UBR2: variants seen among roughly 807,000 people sequenced by gnomAD.
The protein encoded by UBR2 is ubiquitin protein ligase E3 component n-recognin 2.
A neutral mutation model predicts 247.9 loss-of-function variants in UBR2; 92 were observed. The ratio of observed to expected loss-of-function variants is 0.37; its 90% CI spans 0.31 to 0.44. UBR2 has a LOEUF of 0.44. Ranked by LOEUF, UBR2 falls within the 20% of genes least tolerant of loss-of-function variation. UBR2 has a pLI of 1.00. For synonymous variants in UBR2, 672 were observed against 693.5 expected (o/e 0.97, Z 0.49); for missense variants, 1,613 against 2,112.6 (o/e 0.76, Z 4.64).
At chr6:42,592,102 A>T (rs1214058751) in intron 2 of UBR2, 49 bp from the exon 3 acceptor site, 1 of 1,496,570 alleles carries the variant, frequency 6.7e-7, no homozygotes. Flanking sequence ...CTGTTGTGAA[A>T]TATATAGTTA....
chr6:42,687,594 G>A (rs1265209379), intron 44 of UBR2, among the ~76,000 whole-genome samples: 1 of 152,080 alleles, frequency 6.6e-6, no homozygotes, highest in African/African-American at 2.4e-5. Flanking sequence ...AGGCTGGAGT[G>A]CAGTGGTGTG....
At chr6:42,613,238 T>A (rs917131883) in intron 8 of UBR2, among the ~76,000 whole-genome samples, 2 of 152,158 alleles carry the variant, frequency 1.3e-5, no homozygotes, top group Non-Finnish European at 2.9e-5. Flanking sequence ...GGGATAGATA[T>A]AAGCTGTTAT....
At chr6:42,623,293 T>G (rs1197321244) in intron 11 of UBR2, among the ~76,000 whole-genome samples, 2 of 152,122 alleles carry the variant, frequency 1.3e-5, no homozygotes, top group Non-Finnish European at 2.9e-5. Context: ...CTATTCCTAG[T>G]TTGCTCTAAG....
intron 33 of UBR2, 47 bp from the exon 34 acceptor site, chr6:42,666,120 A>G: frequency 2.0e-6 from 3 of 1,501,676 alleles, no homozygotes; most frequent in Non-Finnish European, 2.7e-6. Flanking sequence ...TACTTTTAGG[A>G]ATATTGTCAT....
intron 14 of UBR2, 106 bp downstream of exon 14, chr6:42,635,652 T>G: frequency 7.5e-7 from 1 of 1,338,576 alleles, no homozygotes. Flanking sequence ...GTGGTGATAC[T>G]TAGTTCATTA....
intron 1 of UBR2, among the ~76,000 whole-genome samples, chr6:42,570,622 G>A (rs1234773197): frequency 6.6e-6 from 1 of 152,104 alleles, no homozygotes; most frequent in Non-Finnish European, 1.5e-5. Context: ...ATGTAATAAA[G>A]AGTGAAATAC....
chr6:42,676,899 C>T (rs1798750179), intron 40 of UBR2, 26 bp downstream of exon 40: 2 of 1,543,234 alleles, frequency 1.3e-6, no homozygotes, highest in Non-Finnish European at 1.8e-6. Context: ...TTACATAACG[C>T]ATTTCCCTAA....
intron 18 of UBR2, among the ~76,000 whole-genome samples, chr6:42,643,506 G>T (rs1796566619): frequency 6.6e-6 from 1 of 152,144 alleles, no homozygotes; most frequent in Non-Finnish European, 1.5e-5. Context: ...CAAGACAGGA[G>T]AATCACTTAA....
chr6:42,622,057 C>T (rs1434954317), intron 11 of UBR2, among the ~76,000 whole-genome samples: 1 of 151,990 alleles, frequency 6.6e-6, no homozygotes, highest in Non-Finnish European at 1.5e-5. Flanking sequence ...GCTCTGTCAC[C>T]CAGGCTAGAG....
intron 4 of UBR2, among the ~76,000 whole-genome samples, chr6:42,599,138 A>C (rs1157422279): frequency 6.6e-6 from 1 of 152,172 alleles, no homozygotes; most frequent in East Asian, 1.9e-4. Context: ...ACTGAACAAC[A>C]ACCTAAGTGA....
intron 11 of UBR2, among the ~76,000 whole-genome samples, chr6:42,630,313 T>TG (rs1795634778): frequency 1.3e-5 from 2 of 151,670 alleles, no homozygotes; most frequent in African/African-American, 4.8e-5. Flanking sequence ...GCCTCCCGAG[T>TG]AGCTGGGATT....
At position 42,620,481 on chromosome 6, in the gene UBR2, G is replaced by GTTTTTTTT. The variant is rs796314344; in HGVS notation, c.1281+2979_1281+2986dup. ...GTTTACTTCCTGAATATTAAGTGTT[G>GTTTTTTTT]TTTTTTTTTTTTGTTTTTGTTTTTG... is the stretch of plus-strand genomic sequence containing the variant. On this transcript the variant is annotated intron_variant, in intron 11 of 46. Coordinates refer to ENST00000372901, the MANE Select transcript of UBR2 (RefSeq NM_001363705.2). The GTTTTTTTT allele has an allele frequency of 9.0e-4, 60 of 66,658 alleles. 2 individuals are homozygous for GTTTTTTTT. The highest frequency in any genetic ancestry group is 2.2e-3 in the African/African-American group (59 of 26,832). The allele number at this position is 66,658 out of a possible 1,614,324, so 4.1% of individuals were successfully genotyped here. A position where few individuals can be genotyped will look rare whatever the true frequency, so the allele number is the denominator to read the frequency against.
At chr6:42,636,469 A>G (rs1796101400) in intron 14 of UBR2, among the ~76,000 whole-genome samples, 1 of 152,028 alleles carries the variant, frequency 6.6e-6, no homozygotes, top group Non-Finnish European at 1.5e-5. Flanking sequence ...GTGAGCCACC[A>G]CACTCAGCCT....
At chr6:42,651,352 A>G (rs897910153) in intron 23 of UBR2, among the ~76,000 whole-genome samples, 1 of 150,848 alleles carries the variant, frequency 6.6e-6, no homozygotes, top group African/African-American at 2.5e-5. Context: ...TCAAACTTAA[A>G]TAAGTTTGTA....
At chr6:42,650,455 C>T (rs947329753) in intron 23 of UBR2, 69 bp downstream of exon 23, 12 of 1,338,788 alleles carry the variant, frequency 9.0e-6, no homozygotes, top group Non-Finnish European at 1.3e-5. Context: ...GAGGTTTCAC[C>T]ATGTTGCCCA....
chr6:42,606,738 C>G (rs1793728526), intron 7 of UBR2, 87 bp downstream of exon 7: 1 of 1,191,170 alleles, frequency 8.4e-7, no homozygotes, highest in South Asian at 1.5e-5. Context: ...TGTCTTTCTG[C>G]TTTCTCAAAT....
rs1423602205 is a variant in UBR2, at chr6:42,642,404, T to C, written c.2032-12T>C. On this transcript the variant is annotated splice_polypyrimidine_tract_variant and intron_variant, in intron 17 of 46. Transcript: ENST00000372901. Reference sequence around the variant, plus strand: ...AAAACTATTTACTCAATATAATTACTTTTTTTTTTAGATTTATTACTACCA... The same window carrying C: ...AAAACTATTTACTCAATATAATTACCTTTTTTTTTAGATTTATTACTACCA... 2.5e-6 allele frequency: 3 copies of C among 1,194,908 alleles called. No individual in the cohort carries two copies. The highest frequency in any genetic ancestry group is 3.5e-6 in the Non-Finnish European group (3 of 860,158). The allele number at this position is 1,194,908 out of a possible 1,614,324, so 74.0% of individuals were successfully genotyped here.
intron 28 of UBR2, 137 bp from the exon 29 acceptor site, chr6:42,658,509 G>C: frequency 2.7e-6 from 3 of 1,125,062 alleles, no homozygotes; most frequent in Non-Finnish European, 3.7e-6. Flanking sequence ...GTCAGTTTAA[G>C]AGTCTTTTCT....
chr6:42,662,416 C>T (rs1479176938), intron 31 of UBR2, 139 bp downstream of exon 31: 3 of 584,096 alleles, frequency 5.1e-6, no homozygotes, highest in East Asian at 3.0e-5. Context: ...TAATAAATAA[C>T]AAAAGTTATT....
Sources: allele counts gnomAD v4.1 joint callset (sites outside exome capture counted in the v4.1 genomes callset), GRCh38; gene constraint gnomAD v4.1.1; transcripts MANE v1.5; gene names NCBI Gene and HGNC (gene_info 2026-07-23, HGNC 2026-07-21).